The following MAP3K20 variants were observed in gnomAD, a reference collection of about 807,000 sequenced individuals.
MAP3K20 encodes the protein mitogen-activated protein kinase kinase kinase 20.
A neutral mutation model predicts 85.7 loss-of-function variants in MAP3K20; 40 were observed. The observed-to-expected ratio is 0.47, with a 90% CI of 0.36 to 0.61. The LOEUF (loss-of-function observed/expected upper bound fraction) is 0.61. Among genes scored for constraint, MAP3K20 ranks in the 20% least tolerant of loss-of-function variants. MAP3K20 has a pLI of 0.00. For missense variants in MAP3K20, 817 were observed against 961.7 expected (o/e 0.85, Z 1.99); for synonymous variants, 325 against 327.7 (o/e 0.99, Z 0.09).
rs766107402 is a variant in MAP3K20, at chr2:173,266,346, T to C, written c.1999T>C (p.Ser667Pro). The stretch of plus-strand genomic sequence containing the variant: ...CTTTTCCAGTGGCAATACTGACACC[T>C]CTTCAGAGAGGGGTCGATACTCAGA... Reference protein sequence around the residue: ...SGFSSGNTDTSSERGRYSDRS... With the variant: ...SGFSSGNTDTPSERGRYSDRS... Residue 667 changes from serine (S) to proline (P), a missense_variant, in exon 20 of 20, where the codon TCT becomes CCT. Ser to Pro is a moderately conservative substitution (Grantham distance 74). Around this residue, in one of 4 missense-constraint regions of MAP3K20, gnomAD observed 454 missense variants for 476.9 expected, o/e 0.95. Coordinates refer to ENST00000375213, the MANE Select transcript of MAP3K20 (RefSeq NM_016653.3). 1.2e-6 allele frequency: 2 copies of C among 1,613,958 alleles called. No individual in the cohort carries two copies. Among genetic ancestry groups the C allele is most frequent in the Non-Finnish European group, 1.7e-6 (2 of 1,180,014 alleles).
chr2:173,079,092 C>T (rs190527590), intron 1 of MAP3K20, among the ~76,000 whole-genome samples: 63 of 152,234 alleles, frequency 4.1e-4, no homozygotes, highest in Admixed American at 1.7e-3. Context: ...AATACCACAG[C>T]GTGCACCTAC....
At chr2:173,078,867 T>G (rs797022281) in intron 1 of MAP3K20, among the ~76,000 whole-genome samples, 3 of 152,206 alleles carry the variant, frequency 2.0e-5, no homozygotes, top group East Asian at 1.9e-4. Context: ...AACAATGATA[T>G]GACTTTGGAG....
chr2:173,190,816 A>C, intron 5 of MAP3K20, 79 bp from the exon 6 acceptor site: 1 of 1,249,504 alleles, frequency 8.0e-7, no homozygotes, highest in South Asian at 1.4e-5. Flanking sequence ...CAGAAATAGA[A>C]GTTTATGGTT....
At chr2:173,095,205 G>T (rs1174594304) in intron 2 of MAP3K20, among the ~76,000 whole-genome samples, 1 of 152,044 alleles carries the variant, frequency 6.6e-6, no homozygotes, top group Non-Finnish European at 1.5e-5. Context: ...TTTCCAGCTG[G>T]CTCTTGTGTC....
At chr2:173,261,042 A>T in intron 17 of MAP3K20, 21 bp from the exon 18 acceptor site, 1 of 1,611,764 alleles carries the variant, frequency 6.2e-7, no homozygotes, top group Non-Finnish European at 8.5e-7. Context: ...GTACTACACC[A>T]TCCTAACTTT....
At chr2:173,134,384 GTC>G (rs1381226794) in intron 2 of MAP3K20, among the ~76,000 whole-genome samples, 5 of 53,842 alleles carry the variant, frequency 9.3e-5, no homozygotes, top group African/African-American at 3.2e-4. Flanking sequence ...GTGTGTGTGT[GTC>G]TCTATACATA....
At position 173,266,811 on chromosome 2, in the gene MAP3K20, G is replaced by T; in HGVS notation, c.*61G>T. 7.8e-7 allele frequency: 1 copy of T among 1,286,134 alleles called. No homozygotes were observed. The highest frequency in any genetic ancestry group is 1.0e-6 in the Non-Finnish European group (1 of 968,258). The allele number at this position is 1,286,134 out of a possible 1,614,324, so 79.7% of individuals were successfully genotyped here. A position where few individuals can be genotyped will look rare whatever the true frequency, so the allele number is the denominator to read the frequency against. On this transcript the variant is annotated 3_prime_UTR_variant, in exon 20 of 20. Coordinates refer to ENST00000375213, the MANE Select transcript of MAP3K20 (RefSeq NM_016653.3). ...AAAAAAAAAAAAAAAGAAATGTAAT[G>T]GTTTTTGATAATATGATCCCTTCAG...
intron 2 of MAP3K20, among the ~76,000 whole-genome samples, chr2:173,108,138 T>TA (rs58710687): frequency 3.9e-5 from 3 of 76,866 alleles, no homozygotes; most frequent in African/African-American, 8.9e-5. Flanking sequence ...TTTTTATTTT[T>TA]TTTTTTATTT....
At chr2:173,193,569 C>A (rs2106278224) in intron 7 of MAP3K20, among the ~76,000 whole-genome samples, 1 of 152,214 alleles carries the variant, frequency 6.6e-6, no homozygotes, top group African/African-American at 2.4e-5. Context: ...GCACAAATTC[C>A]TTTTCACACA....
chr2:173,261,202 AT>A, intron 18 of MAP3K20, 65 bp downstream of exon 18: 1 of 1,520,522 alleles, frequency 6.6e-7, no homozygotes, highest in Non-Finnish European at 9.1e-7. Flanking sequence ...TTTATCTGTT[AT>A]CTCAGAGCAT....
At chr2:173,140,657 A>G (rs1179778440) in intron 2 of MAP3K20, among the ~76,000 whole-genome samples, 1 of 152,016 alleles carries the variant, frequency 6.6e-6, no homozygotes, top group Non-Finnish European at 1.5e-5. Context: ...GCCCAGATGT[A>G]TTTTTTTCTC....
At chr2:173,228,319 C>G (rs912122602) in intron 11 of MAP3K20, among the ~76,000 whole-genome samples, 2 of 152,100 alleles carry the variant, frequency 1.3e-5, no homozygotes, top group African/African-American at 4.8e-5. Flanking sequence ...CCTCCTGTCC[C>G]TCCCTCTCCC....
chr2:173,122,919 C>T (rs961149247), intron 2 of MAP3K20, among the ~76,000 whole-genome samples: 1 of 152,184 alleles, frequency 6.6e-6, no homozygotes, highest in African/African-American at 2.4e-5. Context: ...CGTGACATCT[C>T]CTGCGGTCTT....
chr2:173,223,389 A>G, intron 11 of MAP3K20: 1 of 920,042 alleles, frequency 1.1e-6, no homozygotes, highest in Non-Finnish European at 1.3e-6. Flanking sequence ...AAAAGAAATA[A>G]TATATGTAAA....
chr2:173,178,459 C>A (rs1161526733), intron 3 of MAP3K20, among the ~76,000 whole-genome samples: 1 of 152,118 alleles, frequency 6.6e-6, no homozygotes, highest in Non-Finnish European at 1.5e-5. Context: ...GCCTGGCCAT[C>A]ATAGCGAAAC....
Position 173,206,254 on chromosome 2 carries a change from T to C in MAP3K20, c.744+2384T>C, listed in dbSNP as rs376784600. Reference sequence around the variant, plus strand: ...AATGTACATTTATGGTACATCCACCTTACACAACAAGAACATTAGGCCCAG... The same window carrying C: ...AATGTACATTTATGGTACATCCACCCTACACAACAAGAACATTAGGCCCAG... On this transcript the variant is annotated intron_variant, in intron 9 of 19. Coordinates refer to ENST00000375213, the MANE Select transcript of MAP3K20 (RefSeq NM_016653.3). Among the ~76,000 whole-genome samples, 13 of 152,336 alleles carry C rather than the reference T, an allele frequency of 8.5e-5. No individual in the cohort carries two copies. In the East Asian group the frequency reaches 2.1e-3, roughly 25 times the overall value.
Position 173,266,291 on chromosome 2 carries a change from T to G in MAP3K20, c.1944T>G (p.Ser648=). 1 of 1,614,102 alleles carries G rather than the reference T, an allele frequency of 6.2e-7. No individual in the cohort carries two copies. ...PTQYGLTKNF[S]SLHLNSRDSG... is the part of the protein sequence containing the mutation. ...AGTATGGACTGACCAAAAACTTCTC[T>G]TCCCTACATCTCAACTCTAGGGACA... The change falls in exon 20 of 20, where the codon TCT becomes TCG. Residue 648 remains serine, a synonymous_variant. Transcript: ENST00000375213.
intron 2 of MAP3K20, among the ~76,000 whole-genome samples, chr2:173,112,897 T>C (rs1688015118): frequency 6.6e-6 from 1 of 152,092 alleles, no homozygotes; most frequent in Non-Finnish European, 1.5e-5. Flanking sequence ...TTATATTCTT[T>C]CCTGGTTTTG....
At chr2:173,107,031 T>C (rs996076090) in intron 2 of MAP3K20, among the ~76,000 whole-genome samples, 1 of 152,094 alleles carries the variant, frequency 6.6e-6, no homozygotes, top group African/African-American at 2.4e-5. Context: ...AATTCCCACA[T>C]CCAGACAGGA....
Sources: allele counts gnomAD v4.1 joint callset (sites outside exome capture counted in the v4.1 genomes callset), GRCh38; gene constraint gnomAD v4.1.1; regional missense constraint gnomAD v4.1.1; transcripts MANE v1.5; gene names NCBI Gene and HGNC (gene_info 2026-07-23, HGNC 2026-07-21).